The following MTF2 variants were observed in gnomAD, a reference collection of about 807,000 sequenced individuals.
MTF2 encodes the protein metal-response element-binding transcription factor 2.
A neutral mutation model predicts 79.5 loss-of-function variants in MTF2; 11 were observed. The observed-to-expected ratio is 0.14, with a 90% CI of 0.09 to 0.23. MTF2 has a LOEUF of 0.23. Among genes scored for constraint, MTF2 ranks in the 10% least tolerant of loss-of-function variants. The pLI is 1.00. For missense variants in MTF2, 486 were observed against 711.2 expected, an observed-to-expected ratio of 0.68 and a Z score of 3.60; for synonymous variants, 208 against 232.8, an observed-to-expected ratio of 0.89 and a Z score of 0.97.
At chr1:93,096,832 A>G (rs502651) in intron 1 of MTF2, among the ~76,000 whole-genome samples, 112,528 of 137,612 alleles carry the variant, frequency 0.82, 48,101 homozygotes, top group East Asian at 0.94. Flanking sequence ...TTTTTTGGAG[A>G]CAGGGTCTAG....
chr1:93,099,265 A>T (rs1372257061), intron 1 of MTF2, among the ~76,000 whole-genome samples: 1 of 152,216 alleles, frequency 6.6e-6, no homozygotes, highest in Non-Finnish European at 1.5e-5. Context: ...AAGGGCCACT[A>T]AATAGCTGAG....
chr1:93,090,016 C>T (rs910296552), intron 1 of MTF2, among the ~76,000 whole-genome samples: 3 of 151,872 alleles, frequency 2.0e-5, no homozygotes, highest in African/African-American at 7.3e-5. Context: ...TCGCTCTGTC[C>T]CCCGGGCTGG....
chr1:93,110,640 T>G lies in MTF2; in HGVS notation c.286+14T>G. 6.3e-7 allele frequency: 1 copy of G among 1,580,422 alleles called. No individual in the cohort carries two copies. The highest frequency in any genetic ancestry group is 8.7e-7 in the Non-Finnish European group (1 of 1,152,542). ...ACATTCAAACAGGCAGGTGCTACTA[T>G]TTCTCTTGAACATGATTTAAATTAA... is the stretch of plus-strand genomic sequence containing the variant. On this transcript the variant is annotated intron_variant, in intron 3 of 14. Coordinates refer to ENST00000370298, the MANE Select transcript of MTF2 (RefSeq NM_007358.4).
At chr1:93,091,269 A>G (rs1016857678) in intron 1 of MTF2, among the ~76,000 whole-genome samples, 14 of 152,044 alleles carry the variant, frequency 9.2e-5, no homozygotes, top group African/African-American at 3.4e-4. Context: ...TTTTGGTAAT[A>G]TTTTACTCTC....
At position 93,129,461 on chromosome 1, in the gene MTF2, C is replaced by A. The variant is rs770396125; in HGVS notation, c.1160+13C>A. ...TATCTGATTCAAGGTAAAAGTTGAT[C>A]TGTGGCTTAGTTTTTCTCTTTAGCT... On this transcript the variant is annotated intron_variant, in intron 11 of 14. Coordinates refer to ENST00000370298, the MANE Select transcript of MTF2 (RefSeq NM_007358.4). The A allele has an allele frequency of 6.8e-7, 1 of 1,469,458 alleles. No individual in the cohort carries two copies. Among genetic ancestry groups the A allele is most frequent in the Middle Eastern group, 1.8e-4 (1 of 5,474 alleles). The allele number at this position is 1,469,458 out of a possible 1,614,324, so 91.0% of individuals were successfully genotyped here.
chr1:93,127,832 T>TA (rs397778417), intron 10 of MTF2, among the ~76,000 whole-genome samples: 1 of 151,714 alleles, frequency 6.6e-6, no homozygotes, highest in Admixed American at 6.6e-5. Context: ...ACTTTTTTTT[T>TA]AACTCACCAC....
At chr1:93,104,102 CT>C (rs781525518) in intron 1 of MTF2, among the ~76,000 whole-genome samples, 50 of 125,412 alleles carry the variant, frequency 4.0e-4, no homozygotes, top group East Asian at 6.6e-4. Flanking sequence ...CTACACCCAG[CT>C]TTTTTTTTTT....
chr1:93,107,867 A>G (rs1310508496), intron 1 of MTF2, among the ~76,000 whole-genome samples: 1 of 151,380 alleles, frequency 6.6e-6, no homozygotes, highest in Non-Finnish European at 1.5e-5. Flanking sequence ...TGCAGTCTCG[A>G]CCTCCTGGCC....
chr1:93,109,681 A>G (rs1655954630), intron 1 of MTF2, among the ~76,000 whole-genome samples: 1 of 151,602 alleles, frequency 6.6e-6, no homozygotes, highest in Non-Finnish European at 1.5e-5. Context: ...GCTGGTTCTC[A>G]ATGTTTTTTT....
chr1:93,109,824 T>C (rs112983398), intron 1 of MTF2, among the ~76,000 whole-genome samples: 2 of 152,334 alleles, frequency 1.3e-5, no homozygotes, highest in African/African-American at 4.8e-5. Context: ...CTGGTTAATG[T>C]GTCTTAACTG....
chr1:93,096,508 T>C (rs1393691917), intron 1 of MTF2, among the ~76,000 whole-genome samples: 1 of 152,128 alleles, frequency 6.6e-6, no homozygotes. Context: ...TGGTGCCATT[T>C]GTTCTGTCAT....
intron 9 of MTF2, among the ~76,000 whole-genome samples, chr1:93,125,217 G>A (rs1054679558): frequency 1.3e-5 from 2 of 151,660 alleles, no homozygotes; most frequent in African/African-American, 4.8e-5. Context: ...GATTTAAAAG[G>A]CAATAAGGAA....
chr1:93,123,772 T>C (rs1235920914), intron 9 of MTF2, among the ~76,000 whole-genome samples: 24 of 121,376 alleles, frequency 2.0e-4, no homozygotes, highest in Non-Finnish European at 3.3e-4. Context: ...CCCCCCCCCC[T>C]TTTTTTAATA....
At chr1:93,086,601 A>C (rs928766485) in intron 1 of MTF2, among the ~76,000 whole-genome samples, 8 of 151,898 alleles carry the variant, frequency 5.3e-5, no homozygotes, top group Admixed American at 4.6e-4. Context: ...TGAATAATTG[A>C]TAGGCAGCCC....
intron 9 of MTF2, among the ~76,000 whole-genome samples, chr1:93,122,857 T>C (rs1553154437): frequency 6.6e-6 from 1 of 152,140 alleles, no homozygotes; most frequent in Non-Finnish European, 1.5e-5. Context: ...TTTTTAATAA[T>C]AAAGAGATGA....
intron 1 of MTF2, among the ~76,000 whole-genome samples, chr1:93,083,272 C>G (rs887721890): frequency 6.6e-5 from 10 of 152,118 alleles, no homozygotes; most frequent in Non-Finnish European, 1.3e-4. Context: ...CTAGTCATTT[C>G]CCACCAGGGG....
At chr1:93,083,590 A>G (rs1185338833) in intron 1 of MTF2, among the ~76,000 whole-genome samples, 1 of 152,136 alleles carries the variant, frequency 6.6e-6, no homozygotes, top group Non-Finnish European at 1.5e-5. Context: ...TCTAGGAGTG[A>G]AATTACTGGG....
intron 14 of MTF2, 85 bp downstream of exon 14, chr1:93,134,280 G>A (rs1557562423): frequency 1.0e-6 from 1 of 994,676 alleles, no homozygotes; most frequent in Non-Finnish European, 1.5e-6. Flanking sequence ...TAATTTTTTA[G>A]CAATTGAAAG....
intron 9 of MTF2, among the ~76,000 whole-genome samples, chr1:93,122,691 C>G (rs949683758): frequency 5.9e-5 from 9 of 152,090 alleles, no homozygotes; most frequent in African/African-American, 2.2e-4. Flanking sequence ...TAATTTCTTA[C>G]TGTTCTTTCT....
Sources: gnomAD v4.1 joint callset for allele counts (sites outside exome capture counted in the v4.1 genomes callset) on GRCh38, gnomAD v4.1.1 for gene constraint, MANE v1.5 for transcripts, NCBI Gene and HGNC (gene_info 2026-07-23, HGNC 2026-07-21) for gene names.